PHF21A: variants seen among roughly 807,000 people sequenced by gnomAD.
PHF21A encodes the protein PHD finger protein 21A.
PHF21A carries 11 observed loss-of-function variants against 82.5 expected under a neutral mutation model. The observed-to-expected ratio is 0.13, with a 90% CI of 0.08 to 0.22. The LOEUF (loss-of-function observed/expected upper bound fraction) is 0.22, where lower values mean the gene tolerates loss of function less well. Among genes scored for constraint, PHF21A ranks in the 10% least tolerant of loss-of-function variants. The pLI is 1.00. For synonymous variants in PHF21A, 297 were observed against 302.8 expected, an observed-to-expected ratio of 0.98 and a Z score of 0.20; for missense variants, 579 against 837.8, an observed-to-expected ratio of 0.69 and a Z score of 3.81.
At chr11:46,118,253 T>G (rs1417215869) in intron 1 of PHF21A, 1 of 152,162 alleles carries the variant, frequency 6.6e-6, no homozygotes, top group African/African-American at 2.4e-5. Flanking sequence ...AAGACTTGCC[T>G]CAGTCCAAAA....
At chr11:45,972,933 C>T (rs1411915416) in intron 7 of PHF21A, among the ~76,000 whole-genome samples, 1 of 151,684 alleles carries the variant, frequency 6.6e-6, no homozygotes, top group African/African-American at 2.4e-5. Context: ...AAAAAATTAG[C>T]CAGGTGTGGT....
chr11:45,950,678 G>T (rs1321225487), intron 11 of PHF21A, among the ~76,000 whole-genome samples: 1 of 152,148 alleles, frequency 6.6e-6, no homozygotes, highest in Admixed American at 6.5e-5. Flanking sequence ...GAAGGACTGG[G>T]GTCTACATCT....
intron 6 of PHF21A, among the ~76,000 whole-genome samples, chr11:46,033,268 A>G (rs1165814846): frequency 6.6e-6 from 1 of 151,982 alleles, no homozygotes; most frequent in Non-Finnish European, 1.5e-5. Context: ...TGTTGTTAGT[A>G]TTATTGTTGT....
intron 6 of PHF21A, among the ~76,000 whole-genome samples, chr11:46,063,017 G>A (rs554252702): frequency 6.6e-5 from 10 of 151,990 alleles, no homozygotes; most frequent in South Asian, 2.1e-4. Context: ...TCGTGATGAC[G>A]GTTTCACACC....
At chr11:46,066,689 ACCTTGCCTC>A (rs2096598193) in intron 6 of PHF21A, among the ~76,000 whole-genome samples, 6 of 152,194 alleles carry the variant, frequency 3.9e-5, no homozygotes, top group Non-Finnish European at 8.8e-5. Flanking sequence ...ACAGAGCAAG[ACCTTGCCTC>A]TAAAAATAAT....
chr11:46,007,859 T>C (rs1360478222), intron 6 of PHF21A, among the ~76,000 whole-genome samples: 1 of 152,250 alleles, frequency 6.6e-6, no homozygotes, highest in Non-Finnish European at 1.5e-5. Flanking sequence ...TTTTCCATCT[T>C]ACTCCTAAGT....
intron 10 of PHF21A, among the ~76,000 whole-genome samples, chr11:45,957,907 T>C (rs1433030519): frequency 2.6e-5 from 4 of 151,662 alleles, no homozygotes; most frequent in African/African-American, 9.7e-5. Flanking sequence ...AATAAGAAGA[T>C]ACAAATAACT....
At chr11:46,048,272 A>AT (rs2096286892) in intron 6 of PHF21A, among the ~76,000 whole-genome samples, 1 of 152,150 alleles carries the variant, frequency 6.6e-6, no homozygotes, top group Non-Finnish European at 1.5e-5. Flanking sequence ...GCCTTTTGTC[A>AT]TTGGCTTCTT....
intron 6 of PHF21A, among the ~76,000 whole-genome samples, chr11:45,985,851 T>A (rs1323737593): frequency 6.6e-6 from 1 of 152,104 alleles, no homozygotes; most frequent in Admixed American, 6.6e-5. Context: ...GTTTTGAGAT[T>A]TGGGGACATA....
chr11:45,957,898 A>G (rs919424511), intron 10 of PHF21A, among the ~76,000 whole-genome samples: 2 of 152,134 alleles, frequency 1.3e-5, no homozygotes, highest in Non-Finnish European at 2.9e-5. Flanking sequence ...GACTAAGAAA[A>G]TAAGAAGATA....
chr11:46,080,915 C>G (rs2096783616), intron 4 of PHF21A, among the ~76,000 whole-genome samples: 1 of 152,108 alleles, frequency 6.6e-6, no homozygotes, highest in African/African-American at 2.4e-5. Flanking sequence ...CCTCCCACCT[C>G]AGCCTCCAGA....
At chr11:45,947,061 A>C (rs2135412939) in intron 14 of PHF21A, among the ~76,000 whole-genome samples, 1 of 152,302 alleles carries the variant, frequency 6.6e-6, no homozygotes, top group Middle Eastern at 3.4e-3. Flanking sequence ...ATCTCTAAAA[A>C]TTGGGGCTGT....
intron 1 of PHF21A, among the ~76,000 whole-genome samples, chr11:46,098,524 C>T (rs887472889): frequency 1.3e-5 from 2 of 152,158 alleles, no homozygotes; most frequent in Non-Finnish European, 2.9e-5. Flanking sequence ...AGAAATCTTG[C>T]TTCCTCACTC....
intron 6 of PHF21A, among the ~76,000 whole-genome samples, chr11:45,991,659 G>A (rs1471091456): frequency 2.0e-5 from 3 of 152,104 alleles, no homozygotes; most frequent in Non-Finnish European, 4.4e-5. Flanking sequence ...AATACACTGG[G>A]TCGAGAAACC....
chr11:45,971,751 G>A (rs1359346371), intron 7 of PHF21A, among the ~76,000 whole-genome samples: 4 of 151,958 alleles, frequency 2.6e-5, no homozygotes, highest in Non-Finnish European at 5.9e-5. Context: ...CTTTGTACTA[G>A]TTGCAAATCA....
chr11:46,010,579 T>C (rs555628581), intron 6 of PHF21A, among the ~76,000 whole-genome samples: 3 of 152,366 alleles, frequency 2.0e-5, no homozygotes, highest in African/African-American at 7.2e-5. Context: ...CACCGGAGTA[T>C]GCTTTTTGGG....
intron 7 of PHF21A, among the ~76,000 whole-genome samples, chr11:45,975,372 T>TAAAAC (rs200198960): frequency 0.36 from 44,102 of 120,924 alleles, 8,506 homozygotes; most frequent in Non-Finnish European, 0.46. Context: ...TAAAATAAAA[T>TAAAAC]AAAATAAAAC....
At chr11:45,996,307 G>C (rs2094906923) in intron 6 of PHF21A, among the ~76,000 whole-genome samples, 1 of 152,184 alleles carries the variant, frequency 6.6e-6, no homozygotes, top group Non-Finnish European at 1.5e-5. Flanking sequence ...AAAGCTTACA[G>C]GTTGACACAT....
intron 14 of PHF21A, among the ~76,000 whole-genome samples, chr11:45,946,353 C>T (rs1276762644): frequency 3.3e-5 from 5 of 152,110 alleles, no homozygotes; most frequent in Non-Finnish European, 5.9e-5. Flanking sequence ...TGTCAAAGCC[C>T]AGTGGGAGCC....
Sources: gnomAD v4.1 joint callset for allele counts (sites outside exome capture counted in the v4.1 genomes callset) on GRCh38, gnomAD v4.1.1 for gene constraint, MANE v1.5 for transcripts, NCBI Gene and HGNC (gene_info 2026-07-23, HGNC 2026-07-21) for gene names.